The following SLC44A5 variants were observed in gnomAD, a reference collection of about 807,000 sequenced individuals.
SLC44A5 encodes solute carrier family 44 member 5.
In SLC44A5, 57 loss-of-function variants were observed where a neutral mutation model predicts 101.8. The observed-to-expected ratio is 0.56, with a 90% CI of 0.45 to 0.70. SLC44A5 has a LOEUF of 0.70. Among genes scored for constraint, SLC44A5 ranks in the 30% least tolerant of loss-of-function variants. SLC44A5 has a pLI of 0.00. For synonymous variants in SLC44A5, 281 were observed against 290.9 expected (o/e 0.97, Z 0.35); for missense variants, 737 against 853.1 (o/e 0.86, Z 1.70).
At chr1:75,352,063 T>C (rs1658716928) in intron 3 of SLC44A5, among the ~76,000 whole-genome samples, 1 of 152,082 alleles carries the variant, frequency 6.6e-6, no homozygotes, top group South Asian at 2.1e-4. Context: ...CAGGATTTCT[T>C]TGGAGTACTG....
At chr1:75,527,112 G>A (rs868610220) in intron 2 of SLC44A5, among the ~76,000 whole-genome samples, 1 of 150,320 alleles carries the variant, frequency 6.7e-6, no homozygotes, top group Non-Finnish European at 1.5e-5. Context: ...TCCAGCCTCG[G>A]TGGCAGAGCA....
rs145040265 is a variant in SLC44A5, at chr1:75,267,921, G to A, written c.260+7037C>T. Among the ~76,000 whole-genome samples, 1,294 of 152,112 alleles carry A rather than the reference G, an allele frequency of 8.5e-3. 18 individuals are homozygous for A. The highest frequency in any genetic ancestry group is 0.03 in the African/African-American group (1,241 of 41,470). ...ATATTTTTCTGCATACATGCTTATT[G>A]TGAACCATTGAAACAGCTCAAGAAG... On this transcript the variant is annotated intron_variant, in intron 6 of 23. Transcript: ENST00000370859.
the SLC44A5 span, among the ~76,000 whole-genome samples, chr1:75,676,719 A>G: frequency 6.6e-6 from 1 of 152,314 alleles, no homozygotes; most frequent in African/African-American, 2.4e-5. Context: ...AAGGTATAGT[A>G]ACAAAACTTC....
intron 1 of SLC44A5, among the ~76,000 whole-genome samples, chr1:75,575,707 T>C (rs1673321682): frequency 6.6e-6 from 1 of 152,306 alleles, no homozygotes; most frequent in South Asian, 2.1e-4. Context: ...CTGAGTTATA[T>C]AGTGCACAAT....
At chr1:75,370,233 T>C (rs769480179) in intron 3 of SLC44A5, among the ~76,000 whole-genome samples, 1 of 152,246 alleles carries the variant, frequency 6.6e-6, no homozygotes, top group African/African-American at 2.4e-5. Flanking sequence ...TGTTCCCATA[T>C]GCTGTAACAT....
intron 2 of SLC44A5, among the ~76,000 whole-genome samples, chr1:75,528,935 G>A (rs180907659): frequency 6.6e-6 from 1 of 152,118 alleles, no homozygotes; most frequent in Non-Finnish European, 1.5e-5. Flanking sequence ...CTTCTTACCT[G>A]ACTCAAGTAA....
the SLC44A5 span, among the ~76,000 whole-genome samples, chr1:75,643,050 G>T: frequency 1.3e-5 from 2 of 152,070 alleles, no homozygotes; most frequent in African/African-American, 4.8e-5. Flanking sequence ...AATTAATTCT[G>T]ATTTGCTAGA....
At chr1:75,485,830 G>A (rs1668121169) in intron 2 of SLC44A5, among the ~76,000 whole-genome samples, 1 of 152,132 alleles carries the variant, frequency 6.6e-6, no homozygotes. Flanking sequence ...AGGTGAAGGG[G>A]AAGCAAGGCA....
At chr1:75,276,452 T>C (rs554113815) in intron 5 of SLC44A5, among the ~76,000 whole-genome samples, 1 of 152,320 alleles carries the variant, frequency 6.6e-6, no homozygotes, top group South Asian at 2.1e-4. Context: ...CCTTATTCTT[T>C]TTTTTGTATA....
Position 75,203,581 on chromosome 1 carries a change from G to A in SLC44A5, c.*146C>T, listed in dbSNP as rs1430013801. 1.1e-6 allele frequency: 1 copy of A among 906,336 alleles called. No homozygotes were observed. The highest frequency in any genetic ancestry group is 1.7e-5 in the African/African-American group (1 of 58,486). The allele number at this position is 906,336 out of a possible 1,614,324, so 56.1% of individuals were successfully genotyped here. A position where few individuals can be genotyped will look rare whatever the true frequency, so the allele number is the denominator to read the frequency against. ...GATGGCTTCACATAGTACAGTATAA[G>A]CTTTGGTATAAAACATGCAAATGCA... On this transcript the variant is annotated 3_prime_UTR_variant, in exon 24 of 24. Transcript: ENST00000370859.
At chr1:75,697,377 A>G in the SLC44A5 span, among the ~76,000 whole-genome samples, 1 of 152,242 alleles carries the variant, frequency 6.6e-6, no homozygotes, top group Non-Finnish European at 1.5e-5. Flanking sequence ...ATAGGATGTA[A>G]GGCTCAGAAG....
chr1:75,553,238 T>A (rs757915000), intron 1 of SLC44A5, among the ~76,000 whole-genome samples: 4 of 152,158 alleles, frequency 2.6e-5, no homozygotes, highest in African/African-American at 4.8e-5. Context: ...GACTACCTAT[T>A]GGGAGCCAGC....
chr1:75,508,981 A>G (rs1013104197), intron 2 of SLC44A5, among the ~76,000 whole-genome samples: 4 of 152,238 alleles, frequency 2.6e-5, no homozygotes, highest in Non-Finnish European at 4.4e-5. Flanking sequence ...TTAAAAGGAA[A>G]TACACGTCAT....
chr1:75,335,671 A>G (rs1013618779), intron 4 of SLC44A5, among the ~76,000 whole-genome samples: 4 of 152,216 alleles, frequency 2.6e-5, no homozygotes, highest in Non-Finnish European at 5.9e-5. Flanking sequence ...TAAATGTATC[A>G]TCAAGCCTTG....
intron 2 of SLC44A5, among the ~76,000 whole-genome samples, chr1:75,404,485 C>A (rs953248665): frequency 6.6e-6 from 1 of 152,200 alleles, no homozygotes; most frequent in African/African-American, 2.4e-5. Context: ...GCCCATCAGA[C>A]TAACAGTGGA....
At chr1:75,488,081 C>A (rs1268049074) in intron 2 of SLC44A5, among the ~76,000 whole-genome samples, 1 of 152,132 alleles carries the variant, frequency 6.6e-6, no homozygotes, top group African/African-American at 2.4e-5. Context: ...TCTCCCATCA[C>A]CCCCAGATGG....
the SLC44A5 span, among the ~76,000 whole-genome samples, chr1:75,691,932 G>A: frequency 2.6e-5 from 4 of 152,272 alleles, no homozygotes; most frequent in Admixed American, 2.0e-4. Flanking sequence ...ATGGAGGTTA[G>A]GGTTTCAATA....
chr1:75,276,539 T>G (rs1288782725), intron 5 of SLC44A5, among the ~76,000 whole-genome samples: 1 of 152,190 alleles, frequency 6.6e-6, no homozygotes, highest in African/African-American at 2.4e-5. Flanking sequence ...TTAATTATTT[T>G]GAGTCCTGAC....
the SLC44A5 span, among the ~76,000 whole-genome samples, chr1:75,668,289 A>C: frequency 6.8e-6 from 1 of 146,342 alleles, no homozygotes; most frequent in Non-Finnish European, 1.5e-5. Flanking sequence ...GGATTACTTA[A>C]AAAGAATGTC....
Sources: gnomAD v4.1 joint callset for allele counts (sites outside exome capture counted in the v4.1 genomes callset) on GRCh38, gnomAD v4.1.1 for gene constraint, MANE v1.5 for transcripts, NCBI Gene and HGNC (gene_info 2026-07-23, HGNC 2026-07-21) for gene names.